The following RYR2 variants were observed in gnomAD, a reference collection of about 807,000 sequenced individuals.
The protein encoded by RYR2 is ryanodine receptor 2.
RYR2 carries 227 observed loss-of-function variants against 601.1 expected under a neutral mutation model. That is an observed-to-expected ratio of 0.38 (90% CI 0.34 to 0.42). The LOEUF (loss-of-function observed/expected upper bound fraction) is 0.42. Ranked by LOEUF, RYR2 falls within the 10% of genes least tolerant of loss-of-function variation. RYR2 has a pLI of 1.00. For missense variants in RYR2, 4,646 were observed against 6,156.5 expected (o/e 0.75, Z 8.21); for synonymous variants, 2,223 against 2,175.1 (o/e 1.02, Z -0.61).
At chr1:237,651,983 G>C (rs981170661) in intron 51 of RYR2, among the ~76,000 whole-genome samples, 1 of 151,958 alleles carries the variant, frequency 6.6e-6, no homozygotes, top group Non-Finnish European at 1.5e-5. Flanking sequence ...CTTGCAGTGA[G>C]CCGAGATCGC....
rs1553473238 is a variant in RYR2, at chr1:237,496,687, G to C, written c.2138G>C (p.Trp713Ser). 21 of 1,613,926 alleles carry C rather than the reference G, an allele frequency of 1.3e-5. No individual in the cohort carries two copies. Among genetic ancestry groups the C allele is most frequent in the Non-Finnish European group, 1.8e-5 (21 of 1,179,880 alleles). The change falls in exon 20 of 105, where the codon TGG (tryptophan) becomes TCG (serine). Residue 713 changes from tryptophan (W) to serine (S), a missense_variant. This residue lies in a region of RYR2 where 1,807 missense variants were observed against 2,088.1 expected (regional missense o/e 0.87). Transcript: ENST00000366574. ...CCCTACCCTGGAGGGGGCGAAGAGTGGGGTGGAAATGGTGTTGGAGATGAT... is the reference window on the plus strand; with the variant it reads ...CCCTACCCTGGAGGGGGCGAAGAGTCGGGTGGAAATGGTGTTGGAGATGAT... ...YSPYPGGGEE[W>S]GGNGVGDDLF...
At chr1:237,279,789 T>C (rs972255601) in intron 2 of RYR2, among the ~76,000 whole-genome samples, 40 of 152,210 alleles carry the variant, frequency 2.6e-4, no homozygotes, top group African/African-American at 9.4e-4. Context: ...GCCATTCTTA[T>C]TTAATTATCT....
chr1:237,152,118 T>G (rs141229901), intron 1 of RYR2, among the ~76,000 whole-genome samples: 1 of 152,138 alleles, frequency 6.6e-6, no homozygotes, highest in South Asian at 2.1e-4. Context: ...GGTTTTCTGT[T>G]CCTGTGTTCG....
chr1:237,131,963 A>G (rs564633790), intron 1 of RYR2, among the ~76,000 whole-genome samples: 4 of 152,208 alleles, frequency 2.6e-5, no homozygotes, highest in South Asian at 2.1e-4. Context: ...GGCCCAAGCA[A>G]TCCTCCCACC....
chr1:237,387,480 G>T, intron 9 of RYR2, 100 bp downstream of exon 9: 2 of 1,051,506 alleles, frequency 1.9e-6, no homozygotes, highest in South Asian at 2.9e-5. Flanking sequence ...AGAGCTTTTT[G>T]TCTGTGTCTA....
intron 1 of RYR2, among the ~76,000 whole-genome samples, chr1:237,081,962 A>G (rs960208026): frequency 2.6e-5 from 4 of 152,150 alleles, no homozygotes; most frequent in Admixed American, 2.6e-4. Context: ...TAATTACTCC[A>G]AGATAACTGT....
chr1:237,066,995 C>T (rs1442873144), intron 1 of RYR2, among the ~76,000 whole-genome samples: 1 of 152,134 alleles, frequency 6.6e-6, no homozygotes, highest in Non-Finnish European at 1.5e-5. Context: ...TCTAAATGGA[C>T]TTTATAAAAA....
Position 237,633,728 on chromosome 1 carries a change from A to T in RYR2, c.6688+18A>T. ...TGGTCTTGGTAAGTAAATGACTTTT[A>T]TTTCATCTTTAAGGTTGAAATAATA... On this transcript the variant is annotated intron_variant, in intron 43 of 104. Coordinates refer to ENST00000366574, the MANE Select transcript of RYR2 (RefSeq NM_001035.3). 3 of 1,596,688 alleles carry T rather than the reference A, an allele frequency of 1.9e-6. No individual in the cohort carries two copies. The highest frequency in any genetic ancestry group is 2.6e-6 in the Non-Finnish European group (3 of 1,170,488).
rs375687737 is a variant in RYR2, at chr1:237,548,388, A to G, written c.2907-43A>G. 1.5e-4 allele frequency: 239 copies of G among 1,598,006 alleles called. 1 individual carries two copies. Among genetic ancestry groups the G allele is most frequent in the Middle Eastern group, 1.2e-3 (7 of 5,966 alleles). ...AATGATATTTACAGAGATTTTTATG[A>G]AAAGGCCAATTATACACAAATTTCT... On this transcript the variant is annotated intron_variant, in intron 25 of 104. Coordinates refer to ENST00000366574, the MANE Select transcript of RYR2 (RefSeq NM_001035.3).
intron 10 of RYR2, among the ~76,000 whole-genome samples, chr1:237,396,616 C>G (rs1214610729): frequency 6.6e-6 from 1 of 152,174 alleles, no homozygotes; most frequent in Non-Finnish European, 1.5e-5. Context: ...AAGTTTTCTG[C>G]AAGGCATCTC....
intron 38 of RYR2, among the ~76,000 whole-genome samples, chr1:237,619,783 G>T (rs925934685): frequency 5.9e-5 from 9 of 152,070 alleles, no homozygotes; most frequent in African/African-American, 2.2e-4. Flanking sequence ...AGTATGGAGG[G>T]CAGAAGGAAG....
rs1043604041 is a variant in RYR2 at position 237,061,399 on chromosome 1, C to G, written c.48+18830C>G. On this transcript the variant is annotated intron_variant, in intron 1 of 104. Transcript: ENST00000366574. ...GTGGCACAGTCATAGCTTGCTGCAGCCTTAAACTACTGGGCTCAAGGGCTC... is the reference window on the plus strand; with the variant it reads ...GTGGCACAGTCATAGCTTGCTGCAGGCTTAAACTACTGGGCTCAAGGGCTC... 5.3e-5 allele frequency among the ~76,000 whole-genome samples: 8 copies of G among 152,086 alleles called. No individual in the cohort carries two copies. The East Asian group carries it at 7.7e-4, about 15-fold the overall frequency.
At chr1:237,674,048 ATT>A in intron 58 of RYR2, 46 bp from the exon 59 acceptor site, 1 of 1,528,472 alleles carries the variant, frequency 6.5e-7, no homozygotes, top group Admixed American at 1.8e-5. Context: ...CTCATCTCAG[ATT>A]CTTTTCAAAT....
chr1:237,493,174 T>C, intron 19 of RYR2, 87 bp downstream of exon 19: 2 of 1,424,132 alleles, frequency 1.4e-6, no homozygotes, highest in Non-Finnish European at 2.0e-6. Flanking sequence ...ATATGGTCTG[T>C]TTTTTAAATT....
intron 1 of RYR2, among the ~76,000 whole-genome samples, chr1:237,170,216 A>G (rs2490358): frequency 0.91 from 139,072 of 152,230 alleles, 64,316 homozygotes; most frequent in Non-Finnish European, 0.99. Context: ...CTCCTTTTCT[A>G]TGGATGTGCC....
chr1:237,102,968 A>C (rs1668283164), intron 1 of RYR2, among the ~76,000 whole-genome samples: 1 of 152,238 alleles, frequency 6.6e-6, no homozygotes, highest in South Asian at 2.1e-4. Flanking sequence ...GTATATGCAC[A>C]CCGTTGTGCA....
chr1:237,335,142 A>G (rs748853274), intron 3 of RYR2, among the ~76,000 whole-genome samples: 2 of 152,056 alleles, frequency 1.3e-5, no homozygotes, highest in African/African-American at 4.8e-5. Context: ...ATCCTGGCAC[A>G]TGTAGTTTGC....
intron 1 of RYR2, among the ~76,000 whole-genome samples, chr1:237,123,474 G>A (rs1446549594): frequency 6.6e-6 from 1 of 151,870 alleles, no homozygotes; most frequent in Non-Finnish European, 1.5e-5. Flanking sequence ...TGTAGTCCCA[G>A]CTACTAGGAG....
rs751779945 is a variant in RYR2 at position 237,806,101 on chromosome 1, T to C, written c.14152-36T>C. 1.4e-5 allele frequency: 22 copies of C among 1,599,338 alleles called. 1 individual carries two copies. In the South Asian group the frequency reaches 2.4e-4, roughly 18 times the overall value. On this transcript the variant is annotated intron_variant, in intron 98 of 104. Coordinates refer to ENST00000366574, the MANE Select transcript of RYR2 (RefSeq NM_001035.3). ...ATAACAATAGTCATGCGTTCTGTTT[T>C]CTGACATGTTCTTTCCCCCCGTTTT...
Sources: allele counts gnomAD v4.1 joint callset (sites outside exome capture counted in the v4.1 genomes callset), GRCh38; gene constraint gnomAD v4.1.1; regional missense constraint gnomAD v4.1.1; transcripts MANE v1.5; gene names NCBI Gene and HGNC (gene_info 2026-07-23, HGNC 2026-07-21).